KCNN3: variants seen among roughly 807,000 people sequenced by gnomAD.
KCNN3 encodes small conductance calcium-activated potassium channel protein 3.
Under a neutral mutation model 62.9 loss-of-function variants are expected in KCNN3, and 16 were observed. The ratio of observed to expected loss-of-function variants is 0.25; its 90% CI spans 0.17 to 0.39. The LOEUF (loss-of-function observed/expected upper bound fraction) is 0.39, where lower values mean the gene tolerates loss of function less well. Ranked by LOEUF, KCNN3 falls within the 10% of genes least tolerant of loss-of-function variation. The pLI is 1.00. For missense variants in KCNN3, 599 were observed against 949.4 expected (o/e 0.63, Z 4.85); for synonymous variants, 370 against 389.2 (o/e 0.95, Z 0.58).
At chr1:154,757,317 G>A (rs1647770425) in intron 3 of KCNN3, among the ~76,000 whole-genome samples, 1 of 152,176 alleles carries the variant, frequency 6.6e-6, no homozygotes, top group Non-Finnish European at 1.5e-5. Context: ...AACAGGACAG[G>A]AGCCTCTTGT....
At chr1:154,729,742 C>T (rs763949565) in intron 4 of KCNN3, among the ~76,000 whole-genome samples, 8 of 152,148 alleles carry the variant, frequency 5.3e-5, no homozygotes. Flanking sequence ...CAAGGTGTTT[C>T]GGGAGAAGCT....
At chr1:154,776,067 G>A in intron 2 of KCNN3, among the ~76,000 whole-genome samples, 1 of 152,216 alleles carries the variant, frequency 6.6e-6, no homozygotes, top group Non-Finnish European at 1.5e-5. Context: ...AGACGGGAGG[G>A]TGCTGGTCCC....
In KCNN3 at chr1:154,870,181, G is replaced by A; in HGVS notation, c.-217C>T. 1.4e-6 allele frequency: 1 copy of A among 711,258 alleles called. No homozygotes were observed. Among genetic ancestry groups the A allele is most frequent in the Non-Finnish European group, 2.6e-6 (1 of 389,346 alleles). The allele number at this position is 711,258 out of a possible 1,614,324, so 44.1% of individuals were successfully genotyped here. A position where few individuals can be genotyped will look rare whatever the true frequency, so the allele number is the denominator to read the frequency against. On this transcript the variant is annotated 5_prime_UTR_variant, in exon 1 of 8. Transcript: ENST00000271915. The stretch of plus-strand genomic sequence containing the variant: ...ATTGGGCAGGGAGGGAGAGCAGGAG[G>A]GGAGCTTGGAGAAAGAAGAGGGGGT...
At chr1:154,863,011 G>A (rs1172577487) in intron 1 of KCNN3, among the ~76,000 whole-genome samples, 2 of 152,176 alleles carry the variant, frequency 1.3e-5, no homozygotes, top group Admixed American at 6.5e-5. Flanking sequence ...AGGGGGCGGT[G>A]AGCACGACCT....
rs914104596 is a variant in KCNN3, at chr1:154,772,826, C to T, written c.1030-433G>A. ...GGGATCCAGGGTGGCCTCAGGATGG[C>T]GCTGGTTGCCAGGGGAACCAATCTG... is the stretch of plus-strand genomic sequence containing the variant. On this transcript the variant is annotated intron_variant, in intron 2 of 7. Transcript: ENST00000271915. The surrounding 1 kb of genome is among the most constrained non-coding windows in gnomAD (Gnocchi z 5.6). Among the ~76,000 whole-genome samples the T allele has an allele frequency of 1.3e-5, 2 of 151,982 alleles. No homozygotes were observed. Among genetic ancestry groups the T allele is most frequent in the African/African-American group, 2.4e-5 (1 of 41,394 alleles).
At chr1:154,859,909 AAC>A (rs1652695327) in intron 1 of KCNN3, 1 of 1,265,656 alleles carries the variant, frequency 7.9e-7, no homozygotes, top group Non-Finnish European at 1.1e-6. Context: ...ACTCAAAAAT[AAC>A]AGATGCCAAT....
At chr1:154,730,029 C>T (rs1251196968) in intron 4 of KCNN3, among the ~76,000 whole-genome samples, 3 of 152,218 alleles carry the variant, frequency 2.0e-5, no homozygotes, top group Non-Finnish European at 4.4e-5. Flanking sequence ...GCCTTGGGGG[C>T]TTTGGGGTCT....
intron 4 of KCNN3, among the ~76,000 whole-genome samples, chr1:154,729,451 C>G (rs911255175): frequency 6.6e-6 from 1 of 152,074 alleles, no homozygotes; most frequent in African/African-American, 2.4e-5. Context: ...ACGCCTAACT[C>G]TAGAGATTCG....
intron 3 of KCNN3, among the ~76,000 whole-genome samples, chr1:154,755,961 G>T: frequency 7.6e-6 from 1 of 131,404 alleles, no homozygotes; most frequent in Non-Finnish European, 1.6e-5. Context: ...GAGGAGGAGG[G>T]GTTGGGGAGG....
chr1:154,712,183 A>T (rs1557936868), intron 7 of KCNN3, among the ~76,000 whole-genome samples: 1 of 152,164 alleles, frequency 6.6e-6, no homozygotes, highest in South Asian at 2.1e-4. Context: ...GTCTGGCCAC[A>T]TGTCTCCTTT....
chr1:154,702,730 T>G lies in KCNN3; in HGVS notation c.*5246A>C, dbSNP rs1207723961. On this transcript the variant is annotated 3_prime_UTR_variant, in exon 8 of 8. Coordinates refer to ENST00000271915, the MANE Select transcript of KCNN3 (RefSeq NM_002249.6). ...ATATATATATATATATATATATATA[T>G]ATATATATATATATATATGTACTTT... 3 of 136,244 alleles carry G rather than the reference T, an allele frequency of 2.2e-5. No individual in the cohort carries two copies. The highest frequency in any genetic ancestry group is 7.4e-5 in the Admixed American group (1 of 13,468). The allele number at this position is 136,244 out of a possible 1,614,324, so 8.4% of individuals were successfully genotyped here. A position where few individuals can be genotyped will look rare whatever the true frequency, so the allele number is the denominator to read the frequency against.
At chr1:154,865,670 C>T (rs149758147) in intron 1 of KCNN3, among the ~76,000 whole-genome samples, 1 of 152,286 alleles carries the variant, frequency 6.6e-6, no homozygotes, top group East Asian at 1.9e-4. Flanking sequence ...GGGCACATGC[C>T]ACCCTCCTTT....
At chr1:154,773,964 G>T (rs995840536) in intron 2 of KCNN3, among the ~76,000 whole-genome samples, 1 of 152,176 alleles carries the variant, frequency 6.6e-6, no homozygotes, top group Non-Finnish European at 1.5e-5. Context: ...AGTGTTCACG[G>T]CACGGACTCT....
rs1699944550 is a variant in KCNN3, at chr1:154,705,216, A to T, written c.*2760T>A. On this transcript the variant is annotated 3_prime_UTR_variant, in exon 8 of 8. Coordinates refer to ENST00000271915, the MANE Select transcript of KCNN3 (RefSeq NM_002249.6). ...GAGGTGTGGTGGAATTAGCCAAAAGATGTAGGAAGAAAACTTGGGTGAGCT... is the reference window on the plus strand; with the variant it reads ...GAGGTGTGGTGGAATTAGCCAAAAGTTGTAGGAAGAAAACTTGGGTGAGCT... The T allele has an allele frequency of 6.6e-6, 1 of 152,220 alleles. No individual in the cohort carries two copies. The highest frequency in any genetic ancestry group is 2.1e-4 in the South Asian group (1 of 4,826). 9.4% of individuals were successfully genotyped at this position (152,220 alleles called of 1,614,324 possible).
chr1:154,743,283 C>T (rs1193824021), intron 3 of KCNN3, among the ~76,000 whole-genome samples: 1 of 152,212 alleles, frequency 6.6e-6, no homozygotes, highest in Non-Finnish European at 1.5e-5. Context: ...GTAGTTGCCT[C>T]ACTGGCCTCC....
chr1:154,747,024 C>T (rs575588614), intron 3 of KCNN3, among the ~76,000 whole-genome samples: 2 of 152,260 alleles, frequency 1.3e-5, no homozygotes, highest in South Asian at 4.1e-4. Context: ...TGCCCAGGTC[C>T]CCTGCAACCC....
In KCNN3 at chr1:154,823,246, G is replaced by C. The variant is rs970702790; in HGVS notation, c.934-1062C>G. Among the ~76,000 whole-genome samples the C allele has an allele frequency of 2.5e-4, 38 of 152,282 alleles. 1 individual carries two copies. Among genetic ancestry groups the C allele is most frequent in the African/African-American group, 8.9e-4 (37 of 41,542 alleles). Reference sequence around the variant, plus strand: ...ATAGCTCCTAGTTCCAAAGGAAGGCGGGAACACAGCCCTGAGCAAAGGCAG... The same window carrying C: ...ATAGCTCCTAGTTCCAAAGGAAGGCCGGAACACAGCCCTGAGCAAAGGCAG... On this transcript the variant is annotated intron_variant, in intron 1 of 7. Coordinates refer to ENST00000271915, the MANE Select transcript of KCNN3 (RefSeq NM_002249.6).
At chr1:154,768,882 A>C (rs1648416145) in intron 3 of KCNN3, among the ~76,000 whole-genome samples, 1 of 152,202 alleles carries the variant, frequency 6.6e-6, no homozygotes, top group Non-Finnish European at 1.5e-5. Flanking sequence ...TTCACATGTT[A>C]GTCTCAGTGG....
intron 4 of KCNN3, 44 bp from the exon 5 acceptor site, chr1:154,726,070 A>G (rs1392874995): frequency 1.4e-6 from 2 of 1,449,942 alleles, no homozygotes; most frequent in Non-Finnish European, 1.9e-6. Flanking sequence ...AGAACATATC[A>G]TTAAGAGGCA....
Sources: allele counts gnomAD v4.1 joint callset (sites outside exome capture counted in the v4.1 genomes callset), GRCh38; gene constraint gnomAD v4.1.1; non-coding constraint Gnocchi (gnomAD v3.1); transcripts MANE v1.5; gene names NCBI Gene and HGNC (gene_info 2026-07-23, HGNC 2026-07-21).